NUCB2: variants seen among roughly 807,000 people sequenced by gnomAD.
The protein encoded by NUCB2 is nucleobindin 2.
In NUCB2, 48 loss-of-function variants were observed where a neutral mutation model predicts 57.9. That is an observed-to-expected ratio of 0.83 (90% confidence interval 0.66 to 1.05). NUCB2 has a LOEUF of 1.05. Among genes scored for constraint, NUCB2 ranks in the 50% least tolerant of loss-of-function variants. NUCB2 has a pLI of 0.00. For synonymous variants in NUCB2, 139 were observed against 152.1 expected (o/e 0.91, Z 0.64); for missense variants, 442 against 476.2 (o/e 0.93, Z 0.67).
intron 2 of NUCB2, among the ~76,000 whole-genome samples, chr11:17,348,354 A>G (rs1363774065): frequency 2.0e-5 from 2 of 100,144 alleles, no homozygotes; most frequent in African/African-American, 8.4e-5. Flanking sequence ...TTTTTTTTGG[A>G]GACAGAGTCT....
intron 2 of NUCB2, among the ~76,000 whole-genome samples, chr11:17,294,021 T>A (rs747222043): frequency 9.2e-5 from 14 of 152,206 alleles, no homozygotes; most frequent in Admixed American, 8.5e-4. Flanking sequence ...AATAGTATAA[T>A]TTAAAACATT....
chr11:17,285,933 G>GTA (rs1183241748), intron 2 of NUCB2, among the ~76,000 whole-genome samples: 18 of 126,444 alleles, frequency 1.4e-4, no homozygotes, highest in African/African-American at 6.9e-4. Context: ...GCACGTGTGC[G>GTA]TACACACACA....
At chr11:17,341,876 G>A (rs374009243) in intron 2 of NUCB2, among the ~76,000 whole-genome samples, 5 of 152,150 alleles carry the variant, frequency 3.3e-5, no homozygotes, top group Non-Finnish European at 5.9e-5. Flanking sequence ...GATTGGAATA[G>A]TTTCAGAAGG....
chr11:17,336,617 G>A (rs1055285979), downstream of NUCB2, among the ~76,000 whole-genome samples: 9 of 151,432 alleles, frequency 5.9e-5, no homozygotes, highest in Admixed American at 5.9e-4. Flanking sequence ...AGCCGGGCGT[G>A]GTGGCGGGCG....
intron 11 of NUCB2, among the ~76,000 whole-genome samples, chr11:17,323,839 T>G (rs1950330782): frequency 6.6e-6 from 1 of 152,214 alleles, no homozygotes; most frequent in African/African-American, 2.4e-5. Context: ...TTCTTGTAGA[T>G]TTTCCAATTT....
At position 17,348,319 on chromosome 11, in the gene NUCB2, G is replaced by GGTTTT. The variant is rs1952917777; in HGVS notation, n.2627-1026_2627-1025insGTTTT. 3.6e-5 allele frequency among the ~76,000 whole-genome samples: 3 copies of GGTTTT among 84,468 alleles called. 1 individual carries two copies. The highest frequency in any genetic ancestry group is 1.5e-4 in the African/African-American group (3 of 20,066). The allele number at this position is 84,468 out of a possible 152,430, so 55.4% of individuals were successfully genotyped here. A position where few individuals can be genotyped will look rare whatever the true frequency, so the allele number is the denominator to read the frequency against. ...TGAGGTGTTTTTTGTTTGTTTTTGTGTTTTTTTTTTTTTTTTTTTTTTTTT... is the reference window on the plus strand; with the variant it reads ...TGAGGTGTTTTTTGTTTGTTTTTGTGGTTTTTTTTTTTTTTTTTTTTTTTTTTTTT... On this transcript the variant is annotated intron_variant and non_coding_transcript_variant, in intron 2 of 2. Coordinates refer to the NUCB2 transcript ENST00000532240.
intron 10 of NUCB2, among the ~76,000 whole-genome samples, chr11:17,315,078 A>G (rs1014052656): frequency 8.5e-5 from 13 of 152,234 alleles, no homozygotes; most frequent in Admixed American, 6.5e-4. Context: ...TAAAGGAGGA[A>G]GACAGTAACA....
chr11:17,287,568 G>A (rs1943977869), intron 2 of NUCB2, among the ~76,000 whole-genome samples: 1 of 151,092 alleles, frequency 6.6e-6, no homozygotes, highest in Non-Finnish European at 1.5e-5. Flanking sequence ...AGCTACTCAG[G>A]AGGCTGAGGC....
At chr11:17,313,461 C>T (rs187791884) in intron 10 of NUCB2, among the ~76,000 whole-genome samples, 144 of 152,188 alleles carry the variant, frequency 9.5e-4, no homozygotes, top group Non-Finnish European at 1.8e-3. Flanking sequence ...ACCCAGGCGG[C>T]AGAGTTTGCA....
intron 4 of NUCB2, among the ~76,000 whole-genome samples, chr11:17,299,248 T>C (rs1211115679): frequency 6.6e-6 from 1 of 152,206 alleles, no homozygotes; most frequent in Non-Finnish European, 1.5e-5. Flanking sequence ...TTAAAACATA[T>C]TGCTGTTTCC....
rs374660518 is a variant in NUCB2, at chr11:17,302,954, G to A, written c.379+1084G>A. 2.8e-3 allele frequency among the ~76,000 whole-genome samples: 431 copies of A among 152,094 alleles called. 4 individuals carry two copies. Among genetic ancestry groups the A allele is most frequent in the African/African-American group, 9.9e-3 (410 of 41,498 alleles). On this transcript the variant is annotated intron_variant, in intron 5 of 13. Transcript: ENST00000529010. ...GGGGTTTCACCATGTTAGCCAGGAT[G>A]GTCTCAGTCTCCTGACCTCGTGATC...
intron 2 of NUCB2, among the ~76,000 whole-genome samples, chr11:17,294,846 G>A (rs55759446): frequency 1.2e-3 from 178 of 152,148 alleles, no homozygotes; most frequent in African/African-American, 3.8e-3. Flanking sequence ...TCAGGAGTTC[G>A]AGACCAGCCT....
chr11:17,279,779 A>ATTTT (rs34261908), intron 1 of NUCB2, among the ~76,000 whole-genome samples: 1 of 96,360 alleles, frequency 1.0e-5, no homozygotes, highest in Non-Finnish European at 2.1e-5. Flanking sequence ...TTGGCAGAGC[A>ATTTT]TTTTTTTTTT....
chr11:17,277,066 T>TGG (rs1487812040), intron 1 of NUCB2: 1 of 152,118 alleles, frequency 6.6e-6, no homozygotes, highest in East Asian at 1.9e-4. Flanking sequence ...TCGAGGAGGG[T>TGG]GGCTGGCTCT....
chr11:17,329,581 A>C (rs533961164), intron 11 of NUCB2, among the ~76,000 whole-genome samples: 1 of 152,202 alleles, frequency 6.6e-6, no homozygotes, highest in African/African-American at 2.4e-5. Context: ...ACTGAGTTCA[A>C]TGTAAAGTCC....
At chr11:17,292,030 A>G (rs1424720292) in intron 2 of NUCB2, among the ~76,000 whole-genome samples, 2 of 151,906 alleles carry the variant, frequency 1.3e-5, no homozygotes, top group Non-Finnish European at 1.5e-5. Flanking sequence ...CTTTTTTTTT[A>G]ATTTTATTTC....
chr11:17,342,815 GATGTCT>G (rs910626972), intron 2 of NUCB2, among the ~76,000 whole-genome samples: 1 of 151,938 alleles, frequency 6.6e-6, no homozygotes, highest in African/African-American at 2.4e-5. Context: ...GAGTTCTGTA[GATGTCT>G]ATTAGGTCTG....
chr11:17,318,423 T>G (rs1236989208), intron 11 of NUCB2, among the ~76,000 whole-genome samples: 2 of 152,182 alleles, frequency 1.3e-5, no homozygotes, highest in Non-Finnish European at 2.9e-5. Flanking sequence ...TAAACATTTT[T>G]TTAGGGTTTG....
chr11:17,341,347 A>G (rs985746326), intron 2 of NUCB2, among the ~76,000 whole-genome samples: 4 of 151,730 alleles, frequency 2.6e-5, no homozygotes, highest in Non-Finnish European at 4.4e-5. Context: ...AACTTCCAAC[A>G]CTATGTTGAA....
Sources: allele counts gnomAD v4.1 joint callset (sites outside exome capture counted in the v4.1 genomes callset), GRCh38; gene constraint gnomAD v4.1.1; transcripts MANE v1.5; gene names NCBI Gene and HGNC (gene_info 2026-07-23, HGNC 2026-07-21).